IL23R: variants seen among roughly 807,000 people sequenced by gnomAD.
IL23R encodes interleukin-23 receptor.
Under a neutral mutation model 56.9 loss-of-function variants are expected in IL23R, and 34 were observed. The ratio of observed to expected loss-of-function variants is 0.60; its 90% confidence interval spans 0.45 to 0.80. The LOEUF (loss-of-function observed/expected upper bound fraction) is 0.80, where lower values mean the gene tolerates loss of function less well. Among genes scored for constraint, IL23R ranks in the 30% least tolerant of loss-of-function variants. The probability of loss-of-function intolerance (pLI) is 0.00; values close to 1 mark genes in which losing one functional copy is unlikely to be tolerated. For missense variants in IL23R, 635 were observed against 730.0 expected (o/e 0.87, Z 1.50); for synonymous variants, 230 against 249.2 (o/e 0.92, Z 0.73).
chr1:67,140,814 A>T (rs1365383979), intron 1 of IL23R, among the ~76,000 whole-genome samples: 2 of 152,178 alleles, frequency 1.3e-5, no homozygotes, highest in East Asian at 3.8e-4. Context: ...TATTAGATTT[A>T]TTATGTGTCA....
At chr1:67,224,344 C>A (rs1356210785) in intron 7 of IL23R, among the ~76,000 whole-genome samples, 1 of 152,240 alleles carries the variant, frequency 6.6e-6, no homozygotes, top group Non-Finnish European at 1.5e-5. Flanking sequence ...GCCAGCCAAA[C>A]TTTTCCAGTG....
intron 9 of IL23R, among the ~76,000 whole-genome samples, chr1:67,251,398 G>A (rs1281451531): frequency 2.7e-5 from 4 of 149,454 alleles, no homozygotes; most frequent in African/African-American, 5.0e-5. Context: ...CTTGCAGTGA[G>A]CTGAGATCAT....
intron 1 of IL23R, among the ~76,000 whole-genome samples, chr1:67,140,011 C>T (rs894410564): frequency 6.6e-6 from 1 of 152,148 alleles, no homozygotes; most frequent in South Asian, 2.1e-4. Flanking sequence ...CCATGTGATG[C>T]CCTGTGCCAC....
chr1:67,219,345 G>A (rs1040690934), intron 6 of IL23R, among the ~76,000 whole-genome samples: 2 of 152,114 alleles, frequency 1.3e-5, no homozygotes, highest in East Asian at 3.9e-4. Flanking sequence ...TCCAGCCTGG[G>A]CAATAGAGCG....
intron 7 of IL23R, among the ~76,000 whole-genome samples, chr1:67,224,228 C>T (rs1650477497): frequency 6.6e-6 from 1 of 152,148 alleles, no homozygotes; most frequent in Non-Finnish European, 1.5e-5. Context: ...CAGTAAGAAT[C>T]AGACTTCACA....
intron 4 of IL23R, among the ~76,000 whole-genome samples, chr1:67,184,273 C>T (rs571345408): frequency 2.5e-4 from 36 of 141,818 alleles, no homozygotes; most frequent in Non-Finnish European, 4.6e-4. Flanking sequence ...CGGCTGGGCG[C>T]GGTGGCTCCC....
chr1:67,248,973 C>A (rs375697569), intron 9 of IL23R, among the ~76,000 whole-genome samples: 35 of 152,206 alleles, frequency 2.3e-4, no homozygotes, highest in African/African-American at 5.8e-4. Context: ...CTGCTTCAGC[C>A]CCCCCTCCAT....
At chr1:67,198,758 A>T (rs2102618314) in intron 4 of IL23R, among the ~76,000 whole-genome samples, 1 of 152,342 alleles carries the variant, frequency 6.6e-6, no homozygotes, top group South Asian at 2.1e-4. Flanking sequence ...TAGCCTGGGT[A>T]TCATGGGAAA....
chr1:67,192,238 A>G (rs933663286), intron 4 of IL23R, among the ~76,000 whole-genome samples: 1 of 152,310 alleles, frequency 6.6e-6, no homozygotes, highest in East Asian at 1.9e-4. Flanking sequence ...AAAACATCTT[A>G]TCTGGATTAC....
At chr1:67,238,983 C>T (rs905764602) in intron 8 of IL23R, among the ~76,000 whole-genome samples, 3 of 152,100 alleles carry the variant, frequency 2.0e-5, no homozygotes, top group African/African-American at 7.2e-5. Context: ...CAGTGTCTGC[C>T]ACATGGTAAG....
intron 4 of IL23R, among the ~76,000 whole-genome samples, chr1:67,195,871 A>G (rs1302415714): frequency 6.6e-6 from 1 of 152,210 alleles, no homozygotes; most frequent in Non-Finnish European, 1.5e-5. Flanking sequence ...TTAATAGCAT[A>G]AGGCTGGTTC....
At position 67,223,423 on chromosome 1, in the gene IL23R, A is replaced by G. The variant is rs113741533; in HGVS notation, c.955+3693A>G. Among the ~76,000 whole-genome samples the G allele has an allele frequency of 6.6e-3, 1,005 of 152,290 alleles. 12 individuals carry two copies. Among genetic ancestry groups the G allele is most frequent in the Non-Finnish European group, 1.0e-2 (678 of 68,014 alleles). ...GTATCCCTGAAAACTTGGATTTATT[A>G]AAGTTTAACATGTTAGCTAAGAGAA... On this transcript the variant is annotated intron_variant, in intron 7 of 10. Transcript: ENST00000347310.
At chr1:67,253,607 T>C in intron 9 of IL23R, among the ~76,000 whole-genome samples, 1 of 152,352 alleles carries the variant, frequency 6.6e-6, no homozygotes, top group East Asian at 1.9e-4. Flanking sequence ...CAGAACTTAA[T>C]ATTTCAAAAT....
chr1:67,229,569 G>A (rs756794825), intron 7 of IL23R, among the ~76,000 whole-genome samples: 10 of 152,252 alleles, frequency 6.6e-5, no homozygotes, highest in African/African-American at 2.4e-4. Flanking sequence ...GTTGGGGATG[G>A]GTTGAAAAAT....
intron 3 of IL23R, among the ~76,000 whole-genome samples, chr1:67,170,364 A>T (rs1457604600): frequency 2.0e-5 from 3 of 152,040 alleles, no homozygotes; most frequent in Non-Finnish European, 4.4e-5. Context: ...TCCTAATCTC[A>T]CTATTCCAAT....
intron 7 of IL23R, among the ~76,000 whole-genome samples, chr1:67,226,712 C>A (rs2100262982): frequency 6.6e-6 from 1 of 152,282 alleles, no homozygotes; most frequent in East Asian, 1.9e-4. Context: ...AGGGTGGGAC[C>A]TCTGCCAGGG....
At chr1:67,245,849 C>G (rs1465670351) in intron 9 of IL23R, among the ~76,000 whole-genome samples, 1 of 152,168 alleles carries the variant, frequency 6.6e-6, no homozygotes, top group Non-Finnish European at 1.5e-5. Context: ...AGTATTCCCT[C>G]TTTTTCTACT....
intron 6 of IL23R, among the ~76,000 whole-genome samples, chr1:67,218,370 A>ATT (rs1553293314): frequency 6.7e-6 from 1 of 150,122 alleles, no homozygotes; most frequent in Admixed American, 6.7e-5. Flanking sequence ...ATATATATAT[A>ATT]TATGTATGTA....
chr1:67,219,434 G>A, intron 6 of IL23R, 140 bp from the exon 7 acceptor site: 1 of 760,984 alleles, frequency 1.3e-6, no homozygotes, highest in South Asian at 1.6e-5. Context: ...GTACGGCCAC[G>A]TTTTATATAA....
Sources: allele counts gnomAD v4.1 joint callset (sites outside exome capture counted in the v4.1 genomes callset), GRCh38; gene constraint gnomAD v4.1.1; transcripts MANE v1.5; gene names NCBI Gene and HGNC (gene_info 2026-07-23, HGNC 2026-07-21).